WDHD1: variants seen among roughly 807,000 people sequenced by gnomAD.
The protein encoded by WDHD1 is WD repeat and HMG-box DNA binding protein 1.
WDHD1 carries 111 observed loss-of-function variants against 135.4 expected under a neutral mutation model. That is an observed-to-expected ratio of 0.82 (90% CI 0.70 to 0.96). The LOEUF is 0.96. WDHD1 is among the 40% of genes least tolerant of loss of function. The probability of loss-of-function intolerance (pLI) is 0.00; values close to 1 mark genes in which losing one functional copy is unlikely to be tolerated. For synonymous variants in WDHD1, 434 were observed against 439.0 expected (o/e 0.99, Z 0.14); for missense variants, 1,351 against 1,336.3 (o/e 1.01, Z -0.17).
chr14:54,941,066 A>G lies in WDHD1; in HGVS notation c.*424T>C, dbSNP rs2040829894. The G allele has an allele frequency of 6.5e-6, 1 of 153,758 alleles. No individual in the cohort carries two copies. The highest frequency in any genetic ancestry group is 2.4e-5 in the African/African-American group (1 of 41,488). 9.5% of individuals were successfully genotyped at this position (153,758 alleles called of 1,614,324 possible). On this transcript the variant is annotated 3_prime_UTR_variant, in exon 26 of 26. Transcript: ENST00000360586. ...CATCCCCTAGGTCTAGTAGAAACAT[A>G]TAGAGAAGTCTATGCTAACACACTT...
chr14:54,966,370 G>T, intron 18 of WDHD1, 105 bp downstream of exon 18: 2 of 1,297,064 alleles, frequency 1.5e-6, no homozygotes, highest in East Asian at 2.7e-5. Context: ...AAAAACTTAA[G>T]AATCTTAGGT....
rs140402955 is a variant in WDHD1, at chr14:54,990,489, G to A, written c.1341+724C>T. ...CAGGCACCTGTAGTCCCAGCTACTC[G>A]GGAGGCTGAGGCAGGAGAATGGCGT... On this transcript the variant is annotated intron_variant, in intron 12 of 25. Transcript: ENST00000360586. 6.1e-3 allele frequency among the ~76,000 whole-genome samples: 924 copies of A among 151,808 alleles called. 12 individuals are homozygous for A. The highest frequency in any genetic ancestry group is 0.019 in the African/African-American group (773 of 41,398).
intron 2 of WDHD1, 103 bp from the exon 3 acceptor site, chr14:55,013,699 A>C: frequency 1.2e-6 from 1 of 838,344 alleles, no homozygotes; most frequent in East Asian, 2.5e-5. Context: ...TGAGGCCAGG[A>C]GTTCAAGACT....
At position 54,981,613 on chromosome 14, in the gene WDHD1, T is replaced by A; in HGVS notation, c.1990A>T (p.Thr664Ser). 6.2e-7 allele frequency: 1 copy of A among 1,613,452 alleles called. No homozygotes were observed. The highest frequency in any genetic ancestry group is 1.1e-5 in the South Asian group (1 of 90,978). The change falls in exon 16 of 26, where the codon ACA becomes TCA. Residue 664 changes from threonine to serine, a missense_variant. Physicochemically the swap from Thr to Ser is moderately conservative, Grantham distance 58. Around this residue, in one of 2 missense-constraint regions of WDHD1, gnomAD observed 1,330 missense variants for 1,296.1 expected, o/e 1.03. Coordinates refer to ENST00000360586, the MANE Select transcript of WDHD1 (RefSeq NM_007086.4). ...LGNTWTPICNTREHCKGKSDH... is the reference protein window; with the variant it reads ...LGNTWTPICNSREHCKGKSDH... ...GATTTTCCTTTGCAGTGCTCTCTTG[T>A]ATTACATATAGGAGTCCACGTATTA...
At chr14:54,957,720 T>C in intron 21 of WDHD1, 85 bp from the exon 22 acceptor site, 1 of 1,118,366 alleles carries the variant, frequency 8.9e-7, no homozygotes, top group South Asian at 1.5e-5. Context: ...AGTATTTTAA[T>C]CCCCATTAAA....
intron 16 of WDHD1, among the ~76,000 whole-genome samples, chr14:54,981,082 G>A (rs907189025): frequency 2.6e-5 from 4 of 152,192 alleles, no homozygotes; most frequent in African/African-American, 9.7e-5. Context: ...CTACAATCCA[G>A]CCTGGGCAAC....
intron 7 of WDHD1, among the ~76,000 whole-genome samples, 160 bp downstream of exon 7, chr14:55,007,120 C>G (rs921112699): frequency 7.3e-5 from 11 of 150,944 alleles, no homozygotes; most frequent in Non-Finnish European, 3.0e-5. Context: ...CCCAGCTACT[C>G]GGGAGGCTGA....
At chr14:54,956,181 T>C (rs2041156461) in intron 23 of WDHD1, among the ~76,000 whole-genome samples, 1 of 152,104 alleles carries the variant, frequency 6.6e-6, no homozygotes, top group African/African-American at 2.4e-5. Flanking sequence ...AAATCAGGAC[T>C]CAGAACAAGG....
At chr14:54,954,658 T>C (rs2041121705) in intron 24 of WDHD1, among the ~76,000 whole-genome samples, 1 of 152,218 alleles carries the variant, frequency 6.6e-6, no homozygotes, top group African/African-American at 2.4e-5. Context: ...AGCTCTTATT[T>C]TTCTATCTAT....
intron 18 of WDHD1, 120 bp downstream of exon 18, chr14:54,966,355 C>CA (rs371574367): frequency 1.3e-3 from 1,498 of 1,190,764 alleles, no homozygotes; most frequent in East Asian, 2.8e-3. Flanking sequence ...ACAACAACAA[C>CA]AAAAAAAAAC....
chr14:54,999,254 C>T (rs1485836003), intron 10 of WDHD1, among the ~76,000 whole-genome samples: 1 of 152,216 alleles, frequency 6.6e-6, no homozygotes, highest in African/African-American at 2.4e-5. Context: ...CCCAAGACCA[C>T]TCAACTGTAA....
At chr14:54,956,373 C>T (rs546879269) in intron 23 of WDHD1, among the ~76,000 whole-genome samples, 66 of 152,206 alleles carry the variant, frequency 4.3e-4, no homozygotes, top group Non-Finnish European at 7.8e-4. Context: ...TGCGGTGGCT[C>T]ATGCCTGTAA....
intron 11 of WDHD1, among the ~76,000 whole-genome samples, chr14:54,992,512 G>A (rs957771667): frequency 4.6e-5 from 7 of 151,882 alleles, no homozygotes; most frequent in Admixed American, 1.3e-4. Context: ...CAAGAAATTT[G>A]AGCTTTCAAT....
At chr14:54,972,996 C>T (rs574087467) in intron 16 of WDHD1, among the ~76,000 whole-genome samples, 3 of 152,054 alleles carry the variant, frequency 2.0e-5, no homozygotes, top group Non-Finnish European at 4.4e-5. Flanking sequence ...GTAGTGCTCT[C>T]GCAGCTGATT....
At chr14:54,945,920 CTT>C (rs144151656) in intron 24 of WDHD1, among the ~76,000 whole-genome samples, 1 of 152,084 alleles carries the variant, frequency 6.6e-6, no homozygotes, top group African/African-American at 2.4e-5. Context: ...AAAGTCTAAA[CTT>C]TTTAAGGTTA....
At chr14:54,991,723 G>C (rs1382981232) in intron 11 of WDHD1, among the ~76,000 whole-genome samples, 1 of 151,754 alleles carries the variant, frequency 6.6e-6, no homozygotes, top group East Asian at 1.9e-4. Context: ...AGTTCTGTGT[G>C]CTAAAATGAG....
intron 24 of WDHD1, among the ~76,000 whole-genome samples, chr14:54,946,809 C>T (rs1335161389): frequency 6.6e-6 from 1 of 152,046 alleles, no homozygotes; most frequent in East Asian, 1.9e-4. Flanking sequence ...TTTGGGAAGC[C>T]GAGATGGGCA....
chr14:55,001,799 A>G (rs534884391), intron 8 of WDHD1, among the ~76,000 whole-genome samples: 5 of 152,372 alleles, frequency 3.3e-5, no homozygotes, highest in African/African-American at 4.8e-5. Flanking sequence ...TTCAGAGTCC[A>G]TGATCACAAG....
Position 54,957,063 on chromosome 14 carries a change from G to A in WDHD1, c.2887C>T (p.Pro963Ser). 2 of 1,614,048 alleles carry A rather than the reference G, an allele frequency of 1.2e-6. No individual in the cohort carries two copies. Among genetic ancestry groups the A allele is most frequent in the Admixed American group, 1.7e-5 (1 of 60,006 alleles). ...TNNEKSPIIKPLIPKPKPKQA... is the reference protein window; with the variant it reads ...TNNEKSPIIKSLIPKPKPKQA... ...TTAGGCTTCGGCTTTGGAATCAGAG[G>A]CTTTATAATGGGAGACTTTTCATTA... The change falls in exon 23 of 26, where the codon CCT (proline) becomes TCT (serine). Residue 963 changes from proline (P) to serine (S), a missense_variant. Pro to Ser is a moderately conservative substitution (Grantham distance 74). This residue lies in a region of WDHD1 where 1,330 missense variants were observed against 1,296.1 expected (regional missense o/e 1.03). Coordinates refer to ENST00000360586, the MANE Select transcript of WDHD1 (RefSeq NM_007086.4).
Sources: gnomAD v4.1 joint callset for allele counts (sites outside exome capture counted in the v4.1 genomes callset) on GRCh38, gnomAD v4.1.1 for gene constraint, gnomAD v4.1.1 regional missense constraint, MANE v1.5 for transcripts, NCBI Gene and HGNC (gene_info 2026-07-23, HGNC 2026-07-21) for gene names.